ZRANB1: variants seen among roughly 807,000 people sequenced by gnomAD.
ZRANB1 encodes the protein zinc finger RANBP2-type containing 1, also known as ubiquitin thioesterase ZRANB1.
Under a neutral mutation model 80.5 loss-of-function variants are expected in ZRANB1, and 16 were observed. The observed-to-expected ratio is 0.20, with a 90% CI of 0.13 to 0.30. The LOEUF (loss-of-function observed/expected upper bound fraction) is 0.30, where lower values mean the gene tolerates loss of function less well. ZRANB1 is among the 10% of genes least tolerant of loss of function. The pLI, the probability that ZRANB1 is intolerant of heterozygous loss-of-function variation, is 1.00. For synonymous variants in ZRANB1, 291 were observed against 293.1 expected (o/e 0.99, Z 0.07); for missense variants, 576 against 862.6 (o/e 0.67, Z 4.16).
In ZRANB1 at chr10:124,981,816, C is replaced by G; in HGVS notation, c.1535C>G (p.Ser512Cys). Residue 512 changes from serine to cysteine, a missense_variant, in exon 6 of 9, where the codon TCT becomes TGT. Ser to Cys is a moderately radical substitution (Grantham distance 112). Coordinates refer to ENST00000359653, the MANE Select transcript of ZRANB1 (RefSeq NM_017580.3). The stretch of plus-strand genomic sequence containing the variant: ...CAAGAAGACTGGGCATTTATACTCT[C>G]TCTTGCTAGTCAGGTGAGGATGCTT... ...QWQEDWAFIL[S>C]LASQPGASLE... The G allele has an allele frequency of 1.9e-6, 3 of 1,613,582 alleles. No individual in the cohort carries two copies. Among genetic ancestry groups the G allele is most frequent in the African/African-American group, 1.3e-5 (1 of 74,966 alleles).
At chr10:124,969,930 T>C (rs1951807874) in intron 2 of ZRANB1, among the ~76,000 whole-genome samples, 2 of 152,162 alleles carry the variant, frequency 1.3e-5, no homozygotes, top group Middle Eastern at 3.4e-3. Flanking sequence ...AGGGGTTGTT[T>C]GGGGGCTAAG....
chr10:124,916,937 CGCCCGCGGCCGCCTCCCACACCTCAGT>C, the ZRANB1 span, among the ~76,000 whole-genome samples: 1 of 151,954 alleles, frequency 6.6e-6, no homozygotes, highest in African/African-American at 2.4e-5. Flanking sequence ...GGGTCCGCAG[CGCCCGCGGCCGCCTCCCACACCTCAGT>C]GCCCCCGCCC....
At position 124,983,578 on chromosome 10, in the gene ZRANB1, C is replaced by G. The variant is rs1951961502; in HGVS notation, c.1798C>G (p.Arg600Gly). 6.2e-7 allele frequency: 1 copy of G among 1,614,070 alleles called. No individual in the cohort carries two copies. Among genetic ancestry groups the G allele is most frequent in the Non-Finnish European group, 8.5e-7 (1 of 1,180,000 alleles). ...VAMENDGYGN[R>G]GAGANLNTDD... The stretch of plus-strand genomic sequence containing the variant: ...CATGGAAAATGATGGCTATGGCAAC[C>G]GAGGTGCTGGTGCTAATCTCAATAC... The change falls in exon 8 of 9, where the codon CGA becomes GGA. Residue 600 changes from arginine to glycine, a missense_variant. Transcript: ENST00000359653. This position sits in a 1 kb window ranked among gnomAD's most constrained non-coding sequence, Gnocchi z 6.2.
At chr10:124,959,217 G>T (rs1306746147) in intron 1 of ZRANB1, among the ~76,000 whole-genome samples, 1 of 152,128 alleles carries the variant, frequency 6.6e-6, no homozygotes, top group Non-Finnish European at 1.5e-5. Context: ...TGACATCTAA[G>T]CTGAAACTTG....
At chr10:124,941,750 C>T (rs1333037381), upstream of ZRANB1, among the ~76,000 whole-genome samples, 1 of 152,160 alleles carries the variant, frequency 6.6e-6, no homozygotes, top group African/African-American at 2.4e-5. Flanking sequence ...CTGGTTATTT[C>T]AGTGACCTTC....
At chr10:124,981,318 C>T (rs1293305817) in intron 5 of ZRANB1, 1 of 153,184 alleles carries the variant, frequency 6.5e-6, no homozygotes, top group African/African-American at 2.4e-5. Context: ...GTTGTTTATA[C>T]AAGTGATCAA....
At chr10:124,981,169 A>G (rs1184576343) in intron 5 of ZRANB1, among the ~76,000 whole-genome samples, 2 of 152,210 alleles carry the variant, frequency 1.3e-5, no homozygotes, top group African/African-American at 4.8e-5. Context: ...AGCATAAAGA[A>G]GGAATGTTTT....
At chr10:124,938,700 C>A (rs570880260), upstream of ZRANB1, among the ~76,000 whole-genome samples, 3 of 150,198 alleles carry the variant, frequency 2.0e-5, no homozygotes, top group Non-Finnish European at 4.4e-5. Flanking sequence ...CACTGTACAT[C>A]ATTACGTTTT....
At chr10:124,954,373 A>G (rs1951671997) in intron 1 of ZRANB1, among the ~76,000 whole-genome samples, 1 of 151,498 alleles carries the variant, frequency 6.6e-6, no homozygotes, top group Admixed American at 6.6e-5. Flanking sequence ...TTGAACATTT[A>G]AAACCATCTA....
At chr10:124,968,791 T>C (rs747092374) in intron 2 of ZRANB1, among the ~76,000 whole-genome samples, 4 of 152,180 alleles carry the variant, frequency 2.6e-5, no homozygotes, top group Non-Finnish European at 5.9e-5. Flanking sequence ...TTGTGAGTCA[T>C]TGAGCTCCTG....
At chr10:124,922,262 T>TATATATATATATATATATGTAAA in the ZRANB1 span, among the ~76,000 whole-genome samples, 1 of 100,584 alleles carries the variant, frequency 9.9e-6, no homozygotes, top group African/African-American at 4.5e-5. Flanking sequence ...ATATGTAAAA[T>TATATATATATATATATATGTAAA]ATATATATAT....
rs1952019637 is a variant in ZRANB1, at chr10:124,985,808, C to G, written c.*816C>G. The G allele has an allele frequency of 6.6e-6, 1 of 152,198 alleles. No individual in the cohort carries two copies. The highest frequency in any genetic ancestry group is 2.1e-4 in the South Asian group (1 of 4,832). The allele number at this position is 152,198 out of a possible 1,614,324, so 9.4% of individuals were successfully genotyped here. A position where few individuals can be genotyped will look rare whatever the true frequency, so the allele number is the denominator to read the frequency against. ...GAAAAGGGAGCAAGCCCACTTGTCA[C>G]TAAATGAATTGTGTGAAATGTGCTC... is the stretch of plus-strand genomic sequence containing the variant. On this transcript the variant is annotated 3_prime_UTR_variant, in exon 9 of 9. Transcript: ENST00000359653.
At chr10:124,982,686 A>G (rs989384183) in intron 6 of ZRANB1, among the ~76,000 whole-genome samples, 1 of 152,292 alleles carries the variant, frequency 6.6e-6, no homozygotes, top group East Asian at 1.9e-4. Flanking sequence ...TTTACATGAG[A>G]CATGTATCTC....
At chr10:124,941,198 TA>T (rs59781656), upstream of ZRANB1, among the ~76,000 whole-genome samples, 121,259 of 148,870 alleles carry the variant, frequency 0.81, 49,902 homozygotes, top group East Asian at 0.95. Context: ...TTCAAGCCAT[TA>T]AAAAAAAAAA....
At chr10:124,952,492 C>T (rs907586152) in intron 1 of ZRANB1, among the ~76,000 whole-genome samples, 3 of 152,218 alleles carry the variant, frequency 2.0e-5, no homozygotes, top group Non-Finnish European at 4.4e-5. Flanking sequence ...CCTTGCTGAA[C>T]TTCTGACCTC....
intron 1 of ZRANB1, among the ~76,000 whole-genome samples, chr10:124,944,727 C>T (rs1024322908): frequency 6.6e-6 from 1 of 152,104 alleles, no homozygotes; most frequent in Non-Finnish European, 1.5e-5. Context: ...CTCCTGGGCT[C>T]AAGCGATTCT....
upstream of ZRANB1, among the ~76,000 whole-genome samples, chr10:124,938,563 G>A (rs1951507689): frequency 6.6e-6 from 1 of 152,032 alleles, no homozygotes; most frequent in South Asian, 2.1e-4. Context: ...TTGGATTCAA[G>A]CAATCCACCT....
chr10:124,978,810 T>G (rs953811732), intron 5 of ZRANB1, among the ~76,000 whole-genome samples: 3 of 148,938 alleles, frequency 2.0e-5, no homozygotes, highest in African/African-American at 7.4e-5. Context: ...TTTTTTTTTT[T>G]TTTTTGTATT....
chr10:124,939,194 T>TTTG (rs2134236972), upstream of ZRANB1, among the ~76,000 whole-genome samples: 1 of 148,234 alleles, frequency 6.7e-6, no homozygotes, highest in African/African-American at 2.4e-5. Context: ...AAAATCGTGT[T>TTTG]TTTTTTTTTT....
Sources: gnomAD v4.1 joint callset for allele counts (sites outside exome capture counted in the v4.1 genomes callset) on GRCh38, gnomAD v4.1.1 for gene constraint, Gnocchi (gnomAD v3.1) non-coding constraint, MANE v1.5 for transcripts, NCBI Gene and HGNC (gene_info 2026-07-23, HGNC 2026-07-21) for gene names.